ZNF423: variants seen among roughly 807,000 people sequenced by gnomAD.
ZNF423 encodes the protein zinc finger protein 423.
ZNF423 carries 12 observed loss-of-function variants against 95.8 expected under a neutral mutation model. The ratio of observed to expected loss-of-function variants is 0.13; its 90% CI spans 0.08 to 0.20. ZNF423 has a LOEUF of 0.20. Ranked by LOEUF, ZNF423 falls within the 10% of genes least tolerant of loss-of-function variation. ZNF423 has a pLI of 1.00. For missense variants in ZNF423, 1,316 were observed against 1,737.1 expected, an observed-to-expected ratio of 0.76 and a Z score of 4.31; for synonymous variants, 749 against 711.9, an observed-to-expected ratio of 1.05 and a Z score of -0.83.
intron 5 of ZNF423, among the ~76,000 whole-genome samples, chr16:49,538,563 T>C (rs1053877850): frequency 6.6e-6 from 1 of 152,134 alleles, no homozygotes; most frequent in African/African-American, 2.4e-5. Context: ...GAACCTGCAG[T>C]GGCTCCCTTT....
intron 5 of ZNF423, among the ~76,000 whole-genome samples, chr16:49,619,027 T>C (rs887311606): frequency 7.2e-5 from 11 of 152,206 alleles, no homozygotes; most frequent in Non-Finnish European, 1.0e-4. Flanking sequence ...TGTCCCTACA[T>C]ACTACATGGA....
At chr16:49,733,148 A>G (rs183984487) in intron 2 of ZNF423, among the ~76,000 whole-genome samples, 11 of 152,302 alleles carry the variant, frequency 7.2e-5, no homozygotes, top group Admixed American at 7.2e-4. Flanking sequence ...GTAAGTCATC[A>G]TACAACCATG....
intron 6 of ZNF423, among the ~76,000 whole-genome samples, chr16:49,524,158 G>A (rs910056305): frequency 6.6e-6 from 1 of 152,098 alleles, no homozygotes; most frequent in Non-Finnish European, 1.5e-5. Flanking sequence ...ACCCCTCCCA[G>A]GCCTGTAGGA....
chr16:49,719,692 G>T (rs2032809143), intron 3 of ZNF423, among the ~76,000 whole-genome samples: 1 of 152,160 alleles, frequency 6.6e-6, no homozygotes, highest in African/African-American at 2.4e-5. Context: ...ATGCTATGAT[G>T]TCCTTGCTAC....
Position 49,637,694 on chromosome 16 carries a change from G to C in ZNF423, c.1482C>G (p.Pro494=), listed in dbSNP as rs370866383. 3.1e-6 allele frequency: 5 copies of C among 1,614,026 alleles called. No homozygotes were observed. Among genetic ancestry groups the C allele is most frequent in the Non-Finnish European group, 4.2e-6 (5 of 1,180,052 alleles). Residue 494 remains proline (P), a synonymous_variant, in exon 4 of 8, where the codon CCC becomes CCG. Coordinates refer to ENST00000563137, the MANE Select transcript of ZNF423 (RefSeq NM_001379286.1). This position sits in a 1 kb window ranked among gnomAD's most constrained non-coding sequence, Gnocchi z 5.6. ...GGCTATTGATGTCGGCGAACATCTC[G>C]GGGCAGTAGTTGCAGTGGAAGGCAG... is the stretch of plus-strand genomic sequence containing the variant. ...NISAFHCNYC[P]EMFADINSLQ... is the part of the protein sequence containing the mutation.
At chr16:49,735,827 C>T (rs2033273715) in intron 2 of ZNF423, among the ~76,000 whole-genome samples, 1 of 152,248 alleles carries the variant, frequency 6.6e-6, no homozygotes, top group Non-Finnish European at 1.5e-5. Context: ...TGGATGACAG[C>T]AGCTCCAAAC....
intron 7 of ZNF423, among the ~76,000 whole-genome samples, chr16:49,505,597 T>G (rs1407858075): frequency 6.6e-6 from 1 of 152,120 alleles, no homozygotes; most frequent in Non-Finnish European, 1.5e-5. Flanking sequence ...TTTGCTGTGA[T>G]AAATTGTGTG....
At chr16:49,698,138 G>T (rs746966034) in intron 3 of ZNF423, among the ~76,000 whole-genome samples, 1 of 152,180 alleles carries the variant, frequency 6.6e-6, no homozygotes, top group African/African-American at 2.4e-5. Context: ...ATGAGCTCCC[G>T]GAGTGACACG....
At chr16:49,763,902 C>A (rs1385588860) in intron 2 of ZNF423, among the ~76,000 whole-genome samples, 1 of 152,180 alleles carries the variant, frequency 6.6e-6, no homozygotes, top group Non-Finnish European at 1.5e-5. Context: ...AGGTTTAAAG[C>A]ATTTCCATCA....
intron 5 of ZNF423, among the ~76,000 whole-genome samples, chr16:49,622,102 C>A (rs1972102791): frequency 6.6e-6 from 1 of 152,212 alleles, no homozygotes; most frequent in Non-Finnish European, 1.5e-5. Flanking sequence ...CTGAGCAAGA[C>A]CATGATGCCT....
chr16:49,727,960 A>G (rs2033069140), intron 3 of ZNF423, among the ~76,000 whole-genome samples: 1 of 152,164 alleles, frequency 6.6e-6, no homozygotes, highest in Non-Finnish European at 1.5e-5. Context: ...CAAACCTTTA[A>G]ATCAGAGGCC....
intron 1 of ZNF423, among the ~76,000 whole-genome samples, chr16:49,803,388 C>T (rs139344362): frequency 4.6e-5 from 7 of 152,290 alleles, no homozygotes; most frequent in South Asian, 2.1e-4. Context: ...GCTGTCTCCT[C>T]CTGTAAGAGA....
intron 5 of ZNF423, among the ~76,000 whole-genome samples, chr16:49,555,806 G>T (rs1969803874): frequency 6.6e-6 from 1 of 152,164 alleles, no homozygotes; most frequent in Non-Finnish European, 1.5e-5. Flanking sequence ...CAGATGAAAT[G>T]AAGAGGTTGG....
At position 49,689,956 on chromosome 16, in the gene ZNF423, G is replaced by A. The variant is rs536171697; in HGVS notation, c.301+40815C>T. ...AAGGACACTCTCCCAGGTCCACTGA[G>A]GATGGTAGCCTGGACTGTTTCACTC... On this transcript the variant is annotated intron_variant, in intron 3 of 7. Transcript: ENST00000563137. 1.7e-3 allele frequency among the ~76,000 whole-genome samples: 265 copies of A among 152,298 alleles called. 1 individual carries two copies. Among genetic ancestry groups the A allele is most frequent in the Non-Finnish European group, 6.0e-4 (41 of 68,024 alleles).
intron 1 of ZNF423, among the ~76,000 whole-genome samples, chr16:49,798,681 G>T (rs987186360): frequency 2.0e-5 from 3 of 152,160 alleles, no homozygotes; most frequent in Non-Finnish European, 2.9e-5. Context: ...ATTACTGATA[G>T]ATGGTCAGTG....
At chr16:49,787,585 A>C (rs954613023) in intron 2 of ZNF423, among the ~76,000 whole-genome samples, 105 of 152,258 alleles carry the variant, frequency 6.9e-4, no homozygotes, top group African/African-American at 2.5e-3. Context: ...CTGGCTGCCC[A>C]ACTATGGAAT....
intron 3 of ZNF423, among the ~76,000 whole-genome samples, chr16:49,660,360 T>C (rs1219016734): frequency 1.3e-5 from 2 of 151,988 alleles, no homozygotes; most frequent in Admixed American, 1.3e-4. Flanking sequence ...ATGGTATGAA[T>C]GAATTCAGAA....
At chr16:49,659,160 C>T (rs1335066624) in intron 3 of ZNF423, among the ~76,000 whole-genome samples, 1 of 152,248 alleles carries the variant, frequency 6.6e-6, no homozygotes, top group East Asian at 1.9e-4. Flanking sequence ...GCAATCATAG[C>T]TCACTGTGGC....
chr16:49,784,736 G>A (rs1040842027), intron 2 of ZNF423, among the ~76,000 whole-genome samples: 1 of 152,074 alleles, frequency 6.6e-6, no homozygotes, highest in Non-Finnish European at 1.5e-5. Context: ...GATCACCTGA[G>A]GTCAGGAGTT....
Sources: allele counts gnomAD v4.1 joint callset (sites outside exome capture counted in the v4.1 genomes callset), GRCh38; gene constraint gnomAD v4.1.1; non-coding constraint Gnocchi (gnomAD v3.1); transcripts MANE v1.5; gene names NCBI Gene and HGNC (gene_info 2026-07-23, HGNC 2026-07-21).